CCDC60: variants seen among roughly 807,000 people sequenced by gnomAD.
CCDC60 encodes the protein coiled-coil domain containing 60, also known as coiled-coil domain-containing protein 60.
In CCDC60, 54 loss-of-function variants were observed where a neutral mutation model predicts 63.5. The ratio of observed to expected loss-of-function variants is 0.85; its 90% confidence interval spans 0.68 to 1.07. CCDC60 has a LOEUF of 1.07. Ranked by LOEUF, CCDC60 falls within the 50% of genes least tolerant of loss-of-function variation. The pLI is 0.00. For missense variants in CCDC60, 651 were observed against 684.3 expected, an observed-to-expected ratio of 0.95 and a Z score of 0.54; for synonymous variants, 206 against 238.8, an observed-to-expected ratio of 0.86 and a Z score of 1.27.
chr12:119,527,875 G>A (rs192235807), intron 11 of CCDC60, among the ~76,000 whole-genome samples: 1 of 151,202 alleles, frequency 6.6e-6, no homozygotes, highest in Non-Finnish European at 1.5e-5. Context: ...TAGAGACGGG[G>A]TTTCACCATG....
chr12:119,449,625 A>G (rs1263593058), intron 2 of CCDC60, among the ~76,000 whole-genome samples: 1 of 152,214 alleles, frequency 6.6e-6, no homozygotes, highest in Non-Finnish European at 1.5e-5. Flanking sequence ...ATATTCTTTA[A>G]GTAGTCTCTA....
At chr12:119,427,606 C>T (rs1018688073) in intron 1 of CCDC60, among the ~76,000 whole-genome samples, 2 of 152,130 alleles carry the variant, frequency 1.3e-5, no homozygotes, top group African/African-American at 4.8e-5. Flanking sequence ...GATCTAAGGA[C>T]ATGCTCATTT....
In CCDC60 at chr12:119,538,030, T is replaced by C. The variant is rs369560622; in HGVS notation, c.1552-2584T>C. ...CTATGCCCTGCCCCCAGAGGTGGAATCTACAGAGGCAACAGGCCTTGCTGA... is the reference window on the plus strand; with the variant it reads ...CTATGCCCTGCCCCCAGAGGTGGAACCTACAGAGGCAACAGGCCTTGCTGA... On this transcript the variant is annotated intron_variant, in intron 13 of 13. Transcript: ENST00000327554. Among the ~76,000 whole-genome samples the C allele has an allele frequency of 2.5e-4, 38 of 152,330 alleles. 1 individual carries two copies. The East Asian group carries it at 6.8e-3, about 27-fold the overall frequency.
At chr12:119,449,234 CT>C (rs1362440723) in intron 2 of CCDC60, among the ~76,000 whole-genome samples, 1 of 152,152 alleles carries the variant, frequency 6.6e-6, no homozygotes, top group East Asian at 1.9e-4. Flanking sequence ...CCAGATCTGC[CT>C]TCCCTTTGGG....
intron 1 of CCDC60, among the ~76,000 whole-genome samples, chr12:119,402,581 A>G (rs576488910): frequency 3.3e-5 from 5 of 152,240 alleles, no homozygotes; most frequent in Non-Finnish European, 7.3e-5. Context: ...TAGCAGTCCT[A>G]TCCCACAAAA....
At chr12:119,342,160 T>G (rs1223118893) in intron 1 of CCDC60, among the ~76,000 whole-genome samples, 2 of 152,192 alleles carry the variant, frequency 1.3e-5, no homozygotes, top group Non-Finnish European at 2.9e-5. Context: ...CCAAGGCCCT[T>G]TCCCTCATGG....
chr12:119,414,589 T>G (rs534493856), intron 1 of CCDC60, among the ~76,000 whole-genome samples: 6 of 151,836 alleles, frequency 4.0e-5, no homozygotes, highest in African/African-American at 1.4e-4. Context: ...TTTACTCTGT[T>G]GCCCAGGCTG....
intron 2 of CCDC60, among the ~76,000 whole-genome samples, chr12:119,448,932 T>A (rs1392405572): frequency 6.6e-6 from 1 of 152,066 alleles, no homozygotes; most frequent in Non-Finnish European, 1.5e-5. Context: ...TGACTCACAT[T>A]AATTAAACAG....
chr12:119,535,205 G>T (rs1391105261), intron 13 of CCDC60, among the ~76,000 whole-genome samples: 1 of 152,152 alleles, frequency 6.6e-6, no homozygotes, highest in Non-Finnish European at 1.5e-5. Context: ...TTTGCGCAGA[G>T]GTGTTTATGG....
intron 2 of CCDC60, among the ~76,000 whole-genome samples, chr12:119,449,470 G>T (rs188477696): frequency 1.1e-4 from 16 of 152,142 alleles, no homozygotes; most frequent in South Asian, 4.2e-4. Flanking sequence ...TGCACATATA[G>T]TCCTATAACC....
At chr12:119,439,048 C>T (rs1009812346) in intron 2 of CCDC60, among the ~76,000 whole-genome samples, 2 of 149,352 alleles carry the variant, frequency 1.3e-5, no homozygotes, top group African/African-American at 4.9e-5. Context: ...CTCCAGGCTT[C>T]CATGGTCCTG....
chr12:119,520,381 C>T (rs1023503244), intron 9 of CCDC60, among the ~76,000 whole-genome samples, 189 bp downstream of exon 9: 2 of 151,990 alleles, frequency 1.3e-5, no homozygotes, highest in African/African-American at 4.8e-5. Flanking sequence ...AGGTATTTCT[C>T]CCCAACAATT....
intron 6 of CCDC60, among the ~76,000 whole-genome samples, chr12:119,501,386 C>T (rs1235110828): frequency 6.6e-6 from 1 of 152,156 alleles, no homozygotes; most frequent in African/African-American, 2.4e-5. Context: ...TATTTGGGGG[C>T]TCAGAGAGGT....
chr12:119,477,558 A>G (rs1951202100), intron 3 of CCDC60, among the ~76,000 whole-genome samples: 1 of 152,222 alleles, frequency 6.6e-6, no homozygotes, highest in South Asian at 2.1e-4. Flanking sequence ...CAGCTCAGAG[A>G]AGAGGTTCAA....
chr12:119,536,228 G>T (rs1266499329), intron 13 of CCDC60, among the ~76,000 whole-genome samples: 1 of 152,104 alleles, frequency 6.6e-6, no homozygotes, highest in Non-Finnish European at 1.5e-5. Context: ...TCAGAGACTA[G>T]AATTGCAACC....
At chr12:119,370,372 C>T (rs1955885343) in intron 1 of CCDC60, among the ~76,000 whole-genome samples, 1 of 152,200 alleles carries the variant, frequency 6.6e-6, no homozygotes, top group Non-Finnish European at 1.5e-5. Context: ...AATTGCCGTG[C>T]TCACTTAGGC....
At chr12:119,519,463 A>C (rs1438521937) in intron 8 of CCDC60, among the ~76,000 whole-genome samples, 1 of 124,494 alleles carries the variant, frequency 8.0e-6, no homozygotes, top group African/African-American at 3.5e-5. Context: ...ATATATATAT[A>C]TATATTTTTT....
intron 1 of CCDC60, among the ~76,000 whole-genome samples, chr12:119,363,382 T>A (rs1955810385): frequency 6.6e-6 from 1 of 151,948 alleles, no homozygotes; most frequent in Non-Finnish European, 1.5e-5. Flanking sequence ...CCTCTATTAT[T>A]GACTTGTAAG....
chr12:119,472,150 G>A lies in CCDC60; in HGVS notation c.327G>A (p.Gly109=), dbSNP rs748544163. 1 of 1,613,956 alleles carries A rather than the reference G, an allele frequency of 6.2e-7. No individual in the cohort carries two copies. Among genetic ancestry groups the A allele is most frequent in the Non-Finnish European group, 8.5e-7 (1 of 1,179,956 alleles). ...AAAAGATCTCAGAAATCCACTATGGGGACACCTTATTGAGGTAAGTGGATG... is the reference window on the plus strand; with the variant it reads ...AAAAGATCTCAGAAATCCACTATGGAGACACCTTATTGAGGTAAGTGGATG... The part of the protein sequence containing the change: ...PAEKISEIHY[G]DTLLSTYDDE... The change falls in exon 3 of 14, where the codon GGG becomes GGA. Residue 109 remains glycine, a synonymous_variant. Transcript: ENST00000327554.
Sources: gnomAD v4.1 joint callset for allele counts (sites outside exome capture counted in the v4.1 genomes callset) on GRCh38, gnomAD v4.1.1 for gene constraint, MANE v1.5 for transcripts, NCBI Gene and HGNC (gene_info 2026-07-23, HGNC 2026-07-21) for gene names.